AAMDC: variants seen among roughly 807,000 people sequenced by gnomAD.
AAMDC encodes the protein adipogenesis associated Mth938 domain containing.
A neutral mutation model predicts 15.5 loss-of-function variants in AAMDC; 16 were observed. The observed-to-expected ratio is 1.03, with a 90% CI of 0.70 to 1.57. The LOEUF (loss-of-function observed/expected upper bound fraction) is 1.57. Ranked by LOEUF, AAMDC falls within the 40% of genes most tolerant of loss-of-function variation. The pLI is 0.00. For synonymous variants in AAMDC, 51 were observed against 51.6 expected, an observed-to-expected ratio of 0.99 and a Z score of 0.05; for missense variants, 141 against 144.9, an observed-to-expected ratio of 0.97 and a Z score of 0.14.
intron 1 of AAMDC, among the ~76,000 whole-genome samples, chr11:77,823,896 G>A (rs1398387057): frequency 1.3e-5 from 2 of 151,268 alleles, no homozygotes; most frequent in East Asian, 1.9e-4. Context: ...ACATTCCAGT[G>A]AGGTTGTGAA....
rs1951462948 is a variant in AAMDC, at chr11:77,872,184, T to G, written c.238T>G (p.Ser80Ala). Residue 80 changes from serine (S) to alanine (A), a missense_variant, in exon 4 of 4, where the codon TCA becomes GCA. Physicochemically the swap from Ser to Ala is moderately conservative, Grantham distance 99. Transcript: ENST00000393427. ...GMSEALKVPS[S>A]TVEYLKKHGI... Reference sequence around the variant, plus strand: ...TTTTCCACCTTCCCAGGTGCCTTCATCAACTGTGGAGTACCTCAAGAAACA... The same window carrying G: ...TTTTCCACCTTCCCAGGTGCCTTCAGCAACTGTGGAGTACCTCAAGAAACA... 1.9e-6 allele frequency: 3 copies of G among 1,612,792 alleles called. No individual in the cohort carries two copies. Among genetic ancestry groups the G allele is most frequent in the African/African-American group, 2.7e-5 (2 of 74,878 alleles).
intron 5 of AAMDC, chr11:77,878,819 C>T: frequency 1.3e-6 from 1 of 770,938 alleles, no homozygotes; most frequent in Non-Finnish European, 2.3e-6. Context: ...TGTTTGATAC[C>T]AGATGAGACT....
chr11:77,862,642 G>A (rs186327495), intron 2 of AAMDC, among the ~76,000 whole-genome samples: 27 of 152,266 alleles, frequency 1.8e-4, no homozygotes, highest in African/African-American at 5.5e-4. Flanking sequence ...AGGTAGACTC[G>A]AGGGCTTCCT....
At chr11:77,823,006 G>C (rs980652593) in intron 1 of AAMDC, among the ~76,000 whole-genome samples, 6 of 152,112 alleles carry the variant, frequency 3.9e-5, no homozygotes, top group African/African-American at 1.4e-4. Context: ...ACGAGGTCAG[G>C]AGATCAAGAC....
intron 1 of AAMDC, among the ~76,000 whole-genome samples, chr11:77,839,021 A>T (rs1304430194): frequency 6.6e-6 from 1 of 152,116 alleles, no homozygotes; most frequent in Non-Finnish European, 1.5e-5. Flanking sequence ...AGTCATTGTT[A>T]CCATATTTTT....
chr11:77,864,481 G>A (rs574318541), intron 2 of AAMDC, among the ~76,000 whole-genome samples: 1 of 152,198 alleles, frequency 6.6e-6, no homozygotes, highest in South Asian at 2.1e-4. Context: ...GGTTATTCTT[G>A]ATTGAGAACC....
At chr11:77,890,446 T>C (rs1016457696) in intron 5 of AAMDC, among the ~76,000 whole-genome samples, 3 of 151,944 alleles carry the variant, frequency 2.0e-5, no homozygotes, top group Non-Finnish European at 2.9e-5. Flanking sequence ...CTCATATCCC[T>C]TGTGCCCTTC....
At chr11:77,865,174 A>G (rs1951055029) in intron 2 of AAMDC, among the ~76,000 whole-genome samples, 1 of 152,188 alleles carries the variant, frequency 6.6e-6, no homozygotes, top group African/African-American at 2.4e-5. Context: ...TTGCCTAACT[A>G]GTCATGGTTT....
intron 1 of AAMDC, 24 bp downstream of exon 1, chr11:77,821,265 A>C: frequency 4.6e-6 from 1 of 218,930 alleles, no homozygotes; most frequent in East Asian, 9.8e-5. Context: ...GGAATCCTGA[A>C]ACTGGGCCAC....
chr11:77,825,949 C>G (rs1949151527), intron 1 of AAMDC, among the ~76,000 whole-genome samples: 1 of 152,118 alleles, frequency 6.6e-6, no homozygotes, highest in Admixed American at 6.5e-5. Flanking sequence ...ACCTCGGCCT[C>G]CCAAAGTGCT....
At chr11:77,833,208 G>T (rs913507539) in intron 1 of AAMDC, among the ~76,000 whole-genome samples, 8 of 150,914 alleles carry the variant, frequency 5.3e-5, no homozygotes, top group African/African-American at 1.7e-4. Flanking sequence ...TGGGGTTTTC[G>T]CCATGTTGGC....
intron 2 of AAMDC, chr11:77,850,658 C>G (rs2136187396): frequency 6.6e-6 from 1 of 152,124 alleles, no homozygotes; most frequent in South Asian, 2.1e-4. Context: ...AATGTTAAAC[C>G]TACAGAATAG....
chr11:77,832,420 G>A (rs939006854), intron 1 of AAMDC, among the ~76,000 whole-genome samples: 3 of 150,934 alleles, frequency 2.0e-5, no homozygotes, highest in Middle Eastern at 3.4e-3. Context: ...TCCGCCTCCC[G>A]GGTTCAAGCG....
chr11:77,903,580 T>C (rs1565234425), downstream of AAMDC: 4 of 1,613,882 alleles, frequency 2.5e-6, no homozygotes, highest in South Asian at 1.1e-5. Context: ...CTGCTTCAAA[T>C]ACAAAGGGGC....
downstream of AAMDC, among the ~76,000 whole-genome samples, chr11:77,874,914 G>C (rs1170893309): frequency 6.6e-6 from 1 of 152,112 alleles, no homozygotes. Flanking sequence ...GCACGTGCCT[G>C]TAATCCCAGC....
At chr11:77,828,206 C>G (rs570452432) in intron 1 of AAMDC, among the ~76,000 whole-genome samples, 1 of 151,906 alleles carries the variant, frequency 6.6e-6, no homozygotes, top group South Asian at 2.1e-4. Context: ...ACTTGGGAGG[C>G]AGAGGTTGCA....
chr11:77,888,902 T>G (rs900611354), intron 5 of AAMDC, among the ~76,000 whole-genome samples: 3 of 152,106 alleles, frequency 2.0e-5, no homozygotes, highest in Non-Finnish European at 2.9e-5. Flanking sequence ...TTAGAATGGC[T>G]ATCATTAAAA....
intron 5 of AAMDC, among the ~76,000 whole-genome samples, chr11:77,878,198 TA>T (rs1173148568): frequency 6.6e-6 from 1 of 151,828 alleles, no homozygotes; most frequent in Admixed American, 6.6e-5. Flanking sequence ...CCGTCTCTAC[TA>T]AAAATACAAA....
chr11:77,844,785 A>G (rs1950074527), intron 2 of AAMDC, among the ~76,000 whole-genome samples: 1 of 152,156 alleles, frequency 6.6e-6, no homozygotes, highest in East Asian at 1.9e-4. Context: ...TGTCGTTATT[A>G]TTAATAATTT....
Sources: gnomAD v4.1 joint callset for allele counts (sites outside exome capture counted in the v4.1 genomes callset) on GRCh38, gnomAD v4.1.1 for gene constraint, MANE v1.5 for transcripts, NCBI Gene and HGNC (gene_info 2026-07-23, HGNC 2026-07-21) for gene names.